DRD2: variants seen among roughly 807,000 people sequenced by gnomAD.
DRD2 encodes the protein D(2) dopamine receptor.
DRD2 carries 8 observed loss-of-function variants against 38.0 expected under a neutral mutation model. The ratio of observed to expected loss-of-function variants is 0.21; its 90% confidence interval spans 0.12 to 0.38. DRD2 has a LOEUF of 0.38. Among genes scored for constraint, DRD2 ranks in the 10% least tolerant of loss-of-function variants. DRD2 has a pLI of 1.00. For missense variants in DRD2, 403 were observed against 607.7 expected, an observed-to-expected ratio of 0.66 and a Z score of 3.54; for synonymous variants, 230 against 238.6, an observed-to-expected ratio of 0.96 and a Z score of 0.33.
At chr11:113,429,399 C>A (rs559745613) in intron 1 of DRD2, among the ~76,000 whole-genome samples, 6 of 152,304 alleles carry the variant, frequency 3.9e-5, no homozygotes, top group Admixed American at 3.9e-4. Context: ...TGCCCGCCAC[C>A]ATGTCCAGCT....
rs565432567 is a variant in DRD2 at position 113,455,717 on chromosome 11, A to G, written c.-32+19359T>C. Among the ~76,000 whole-genome samples the G allele has an allele frequency of 2.6e-5, 4 of 152,332 alleles. No individual in the cohort carries two copies. The East Asian group carries it at 7.7e-4, about 29-fold the overall frequency. On this transcript the variant is annotated intron_variant, in intron 1 of 7. Transcript: ENST00000362072. ...ACATCACTATTCGTCAGGGAGATGC[A>G]AAATAAAACCACAATGAGATGTCAC...
chr11:113,462,408 T>C (rs1455732528), intron 1 of DRD2, among the ~76,000 whole-genome samples: 1 of 152,172 alleles, frequency 6.6e-6, no homozygotes, highest in African/African-American at 2.4e-5. Flanking sequence ...TGGATTACAG[T>C]GGACCCTAAA....
chr11:113,414,836 CA>C (rs929372502), intron 5 of DRD2, among the ~76,000 whole-genome samples: 1 of 152,040 alleles, frequency 6.6e-6, no homozygotes, highest in Non-Finnish European at 1.5e-5. Flanking sequence ...GGTCACTCAG[CA>C]AAAAAAGTGT....
At chr11:113,462,909 G>A (rs1177972390) in intron 1 of DRD2, among the ~76,000 whole-genome samples, 1 of 150,032 alleles carries the variant, frequency 6.7e-6, no homozygotes, top group African/African-American at 2.5e-5. Flanking sequence ...CCCTTCTCCT[G>A]CCCCCTCCCT....
intron 3 of DRD2, 53 bp downstream of exon 3, chr11:113,417,974 C>T: frequency 6.8e-7 from 1 of 1,471,732 alleles, no homozygotes; most frequent in South Asian, 1.1e-5. Flanking sequence ...AAAGCTGGGG[C>T]AGCCAGAATG....
At position 113,418,790 on chromosome 11, in the gene DRD2, G is replaced by C. The variant is rs890073965; in HGVS notation, c.286-654C>G. On this transcript the variant is annotated intron_variant, in intron 2 of 7. Coordinates refer to ENST00000362072, the MANE Select transcript of DRD2 (RefSeq NM_000795.4). The stretch of plus-strand genomic sequence containing the variant: ...TGTTGAGACTAGCCAACCCTAGGTT[G>C]CTTAATCTGCCCTGCCTTGCACTTC... Among the ~76,000 whole-genome samples, 23 of 152,176 alleles carry C rather than the reference G, an allele frequency of 1.5e-4. 1 individual carries two copies. The highest frequency in any genetic ancestry group is 2.9e-5 in the Non-Finnish European group (2 of 68,036).
In DRD2 at chr11:113,459,164, T is replaced by C. The variant is rs188104522; in HGVS notation, c.-32+15912A>G. ...AGTAATAATTTCTATCTTTTATGGC[T>C]GTCACAGAGATTAAAGCTGATGCAT... On this transcript the variant is annotated intron_variant, in intron 1 of 7. Coordinates refer to ENST00000362072, the MANE Select transcript of DRD2 (RefSeq NM_000795.4). Among the ~76,000 whole-genome samples the C allele has an allele frequency of 3.0e-3, 460 of 152,358 alleles. 1 individual carries two copies. Among genetic ancestry groups the C allele is most frequent in the African/African-American group, 0.011 (448 of 41,586 alleles).
Position 113,472,587 on chromosome 11 carries a change from A to G in DRD2, c.-32+2489T>C, listed in dbSNP as rs143481134. On this transcript the variant is annotated intron_variant, in intron 1 of 7. Coordinates refer to ENST00000362072, the MANE Select transcript of DRD2 (RefSeq NM_000795.4). ...TCATTACTAGCCTTTTTACCCCTACAAGCCTCCTTGCTTATGGAACAAAAG... is the reference window on the plus strand; with the variant it reads ...TCATTACTAGCCTTTTTACCCCTACGAGCCTCCTTGCTTATGGAACAAAAG... 5.5e-3 allele frequency among the ~76,000 whole-genome samples: 834 copies of G among 152,346 alleles called. 5 individuals are homozygous for G. Among genetic ancestry groups the G allele is most frequent in the African/African-American group, 0.019 (789 of 41,584 alleles).
chr11:113,429,644 A>G (rs549862340), intron 1 of DRD2, among the ~76,000 whole-genome samples: 23 of 152,300 alleles, frequency 1.5e-4, no homozygotes, highest in African/African-American at 5.3e-4. Flanking sequence ...AAGCAGGGGC[A>G]GCCTAGCTGG....
At position 113,472,684 on chromosome 11, in the gene DRD2, G is replaced by A. The variant is rs374154467; in HGVS notation, c.-32+2392C>T. ...GGCTACCAGCCTTGGGGAGCATGACGTGCTACTAGGCTGAACTAATCACTC... is the reference window on the plus strand; with the variant it reads ...GGCTACCAGCCTTGGGGAGCATGACATGCTACTAGGCTGAACTAATCACTC... On this transcript the variant is annotated intron_variant, in intron 1 of 7. Transcript: ENST00000362072. Among the ~76,000 whole-genome samples, 12 of 152,274 alleles carry A rather than the reference G, an allele frequency of 7.9e-5. No individual in the cohort carries two copies. The South Asian group carries it at 8.3e-4, about 11-fold the overall frequency.
chr11:113,423,749 A>C (rs1227631605), intron 2 of DRD2, among the ~76,000 whole-genome samples: 1 of 152,164 alleles, frequency 6.6e-6, no homozygotes, highest in Non-Finnish European at 1.5e-5. Flanking sequence ...TCTTCCTAAC[A>C]AAAGGGCTAC....
At chr11:113,427,419 G>A (rs74489409) in intron 1 of DRD2, among the ~76,000 whole-genome samples, 1,875 of 152,190 alleles carry the variant, frequency 0.012, 42 homozygotes, top group African/African-American at 0.042. Context: ...CCCCAGTGCT[G>A]CAGGAGACAC....
chr11:113,433,403 G>C (rs540877662), intron 1 of DRD2, among the ~76,000 whole-genome samples: 1 of 152,338 alleles, frequency 6.6e-6, no homozygotes, highest in South Asian at 2.1e-4. Context: ...GGGGGAACAG[G>C]TCTGGACTAG....
intron 2 of DRD2, among the ~76,000 whole-genome samples, chr11:113,419,288 G>A (rs1407649128): frequency 6.6e-6 from 1 of 152,216 alleles, no homozygotes; most frequent in Non-Finnish European, 1.5e-5. Context: ...TATACCCAGA[G>A]AACGAAAGAA....
chr11:113,446,354 ACAG>A (rs1951148774), intron 1 of DRD2, among the ~76,000 whole-genome samples: 1 of 152,224 alleles, frequency 6.6e-6, no homozygotes, highest in Non-Finnish European at 1.5e-5. Context: ...TGGAGAAAAC[ACAG>A]CAGTCATAGT....
chr11:113,418,970 G>A (rs540644521), intron 2 of DRD2, among the ~76,000 whole-genome samples: 48 of 152,336 alleles, frequency 3.2e-4, no homozygotes, highest in Admixed American at 2.7e-3. Context: ...CTTCCCAATG[G>A]CACTGGCTTC....
chr11:113,439,983 C>T (rs1951074860), intron 1 of DRD2, among the ~76,000 whole-genome samples: 1 of 150,550 alleles, frequency 6.6e-6, no homozygotes, highest in Non-Finnish European at 1.5e-5. Flanking sequence ...CCTGCTTTAT[C>T]CTACAGGGCT....
chr11:113,429,921 G>A (rs1424141529), intron 1 of DRD2, among the ~76,000 whole-genome samples: 2 of 152,210 alleles, frequency 1.3e-5, no homozygotes, highest in African/African-American at 4.8e-5. Flanking sequence ...CCATGTGCCA[G>A]GCACAGGTAA....
intron 1 of DRD2, among the ~76,000 whole-genome samples, chr11:113,454,374 A>G (rs1278401801): frequency 6.6e-6 from 1 of 151,820 alleles, no homozygotes; most frequent in Non-Finnish European, 1.5e-5. Context: ...ATTATTATAT[A>G]TATACATATA....
Sources: gnomAD v4.1 joint callset for allele counts (sites outside exome capture counted in the v4.1 genomes callset) on GRCh38, gnomAD v4.1.1 for gene constraint, MANE v1.5 for transcripts, NCBI Gene and HGNC (gene_info 2026-07-23, HGNC 2026-07-21) for gene names.